The following MEX3C variants were observed in gnomAD, a reference collection of about 807,000 sequenced individuals.
The protein encoded by MEX3C is mex-3 RNA binding family member C.
In MEX3C, 15 loss-of-function variants were observed where a neutral mutation model predicts 35.5. The observed-to-expected ratio is 0.42, with a 90% CI of 0.28 to 0.65. The LOEUF is 0.65. MEX3C is among the 30% of genes least tolerant of loss of function. The pLI, the probability that MEX3C is intolerant of heterozygous loss-of-function variation, is 0.20. For synonymous variants in MEX3C, 390 were observed against 352.8 expected, an observed-to-expected ratio of 1.11 and a Z score of -1.18; for missense variants, 711 against 842.8, an observed-to-expected ratio of 0.84 and a Z score of 1.94.
At chr18:51,181,694 T>G (rs749776809) in intron 1 of MEX3C, among the ~76,000 whole-genome samples, 3 of 152,256 alleles carry the variant, frequency 2.0e-5, no homozygotes, top group Non-Finnish European at 2.9e-5. Flanking sequence ...TTGTTTGAAT[T>G]AGCATGAGGC....
intron 1 of MEX3C, among the ~76,000 whole-genome samples, chr18:51,178,353 G>A (rs8086510): frequency 1 from 151,833 of 152,074 alleles, 75,797 homozygotes; most frequent in Non-Finnish European, 1. Context: ...ATAACTTTAC[G>A]TAATTCTCCA....
rs1019541173 is a variant in MEX3C at position 51,197,249 on chromosome 18, C to CGGCGGG, written c.66_71dup (p.Pro30_Pro31dup). 1.0e-6 allele frequency: 1 copy of CGGCGGG among 962,618 alleles called. No homozygotes were observed. The highest frequency in any genetic ancestry group is 1.2e-6 in the Non-Finnish European group (1 of 811,218). 59.6% of individuals were successfully genotyped at this position (962,618 alleles called of 1,614,324 possible). A position where few individuals can be genotyped will look rare whatever the true frequency, so the allele number is the denominator to read the frequency against. On this transcript the variant is annotated inframe_insertion, in exon 1 of 2. Coordinates refer to ENST00000406189, the MANE Select transcript of MEX3C (RefSeq NM_016626.5). ...GCAGAGGCGGCGGTGGCGGCGGCGG[C>CGGCGGG]GGCGGGGGCGGCTGCGGCAGGGGGG... is the stretch of plus-strand genomic sequence containing the variant.
Position 51,177,542 on chromosome 18 carries a change from G to A in MEX3C, c.789C>T (p.Asn263=). The A allele has an allele frequency of 2.5e-6, 4 of 1,610,380 alleles. No homozygotes were observed. The highest frequency in any genetic ancestry group is 2.2e-5 in the South Asian group (2 of 90,386). The change falls in exon 2 of 2, where the codon AAC becomes AAT. Residue 263 remains asparagine, a synonymous_variant. Coordinates refer to ENST00000406189, the MANE Select transcript of MEX3C (RefSeq NM_016626.5). The surrounding 1 kb of genome is among the most constrained non-coding windows in gnomAD (Gnocchi z 4.2). ...CACGAACAGGAGTCTTGATATACGTGTTTGTCTTGGCTCTCAGTGCTTTAA... is the reference window on the plus strand; with the variant it reads ...CACGAACAGGAGTCTTGATATACGTATTTGTCTTGGCTCTCAGTGCTTTAA... ...CKIKALRAKT[N]TYIKTPVRGE...
intron 1 of MEX3C, among the ~76,000 whole-genome samples, chr18:51,186,617 CAG>C (rs1912544667): frequency 6.6e-6 from 1 of 152,134 alleles, no homozygotes; most frequent in Admixed American, 6.5e-5. Context: ...GTAACATAAA[CAG>C]ATATGCATGT....
chr18:51,185,336 A>T (rs1437693956), intron 1 of MEX3C, among the ~76,000 whole-genome samples: 1 of 152,118 alleles, frequency 6.6e-6, no homozygotes, highest in East Asian at 1.9e-4. Context: ...ATGGAGGCTG[A>T]GTCCTTCTCA....
At chr18:51,186,429 G>A (rs1053468774) in intron 1 of MEX3C, among the ~76,000 whole-genome samples, 2 of 152,194 alleles carry the variant, frequency 1.3e-5, no homozygotes, top group African/African-American at 4.8e-5. Context: ...AAGTGCAAAA[G>A]CAAGGAATCA....
In MEX3C at chr18:51,177,188, G is replaced by T; in HGVS notation, c.1143C>A (p.Asp381Glu). ...GCATTTCTATTTCTTCCCGTGCTCG[G>T]TCAACATTTTCAGGCATCCCTGTCA... is the stretch of plus-strand genomic sequence containing the variant. ...FEVTGMPENVDRAREEIEMHI... is the reference protein window; with the variant it reads ...FEVTGMPENVERAREEIEMHI... The change falls in exon 2 of 2, where the codon GAC becomes GAA. Residue 381 changes from aspartate to glutamate, a missense_variant. Physicochemically the swap from Asp to Glu is conservative, Grantham distance 45. This residue lies in a region of MEX3C where 187 missense variants were observed against 201.7 expected (regional missense o/e 0.93). Coordinates refer to ENST00000406189, the MANE Select transcript of MEX3C (RefSeq NM_016626.5). The surrounding 1 kb of genome is among the most constrained non-coding windows in gnomAD (Gnocchi z 4.2). 6.2e-7 allele frequency: 1 copy of T among 1,613,676 alleles called. No individual in the cohort carries two copies. Among genetic ancestry groups the T allele is most frequent in the Non-Finnish European group, 8.5e-7 (1 of 1,179,882 alleles).
In MEX3C at chr18:51,176,215, TAAC is replaced by T. The variant is rs1912298008; in HGVS notation, c.*133_*135del. On this transcript the variant is annotated 3_prime_UTR_variant, in exon 2 of 2. Transcript: ENST00000406189. ...CCATAGCAGCCTTTTATAAGTTTAC[TAAC>T]AACTTTAGCCTAATCCCAATAAAGC... The T allele has an allele frequency of 4.6e-6, 4 of 877,460 alleles. No individual in the cohort carries two copies. Among genetic ancestry groups the T allele is most frequent in the Admixed American group, 3.1e-5 (1 of 32,024 alleles). The allele number at this position is 877,460 out of a possible 1,614,324, so 54.4% of individuals were successfully genotyped here. A position where few individuals can be genotyped will look rare whatever the true frequency, so the allele number is the denominator to read the frequency against.
At chr18:51,186,140 C>T (rs1362085018) in intron 1 of MEX3C, among the ~76,000 whole-genome samples, 1 of 152,104 alleles carries the variant, frequency 6.6e-6, no homozygotes, top group East Asian at 1.9e-4. Flanking sequence ...CCTGAACTTA[C>T]CCATTCACAT....
chr18:51,197,463 C>G lies in MEX3C; in HGVS notation c.-143G>C, dbSNP rs1410334110. The G allele has an allele frequency of 1.4e-3, 209 of 147,706 alleles. 2 individuals carry two copies. The highest frequency in any genetic ancestry group is 0.013 in the Admixed American group (185 of 14,556). 9.1% of individuals were successfully genotyped at this position (147,706 alleles called of 1,614,324 possible). A position where few individuals can be genotyped will look rare whatever the true frequency, so the allele number is the denominator to read the frequency against. On this transcript the variant is annotated 5_prime_UTR_variant, in exon 1 of 2. Coordinates refer to ENST00000406189, the MANE Select transcript of MEX3C (RefSeq NM_016626.5). ...AGGCGGCGGGGCTGGGGACCCGGGC[C>G]GAGGAGCGCCAGGGCCGCCCGGAGA...
intron 1 of MEX3C, chr18:51,195,252 G>C (rs556867832): frequency 6.6e-6 from 1 of 152,268 alleles, no homozygotes; most frequent in South Asian, 2.1e-4. Flanking sequence ...AACAATCCAG[G>C]AATCTGAAAC....
intron 1 of MEX3C, among the ~76,000 whole-genome samples, chr18:51,189,406 G>C (rs1310967542): frequency 1.3e-5 from 2 of 152,116 alleles, no homozygotes; most frequent in African/African-American, 4.8e-5. Flanking sequence ...ATAAACTAGT[G>C]ACCCCTAAAC....
Position 51,176,954 on chromosome 18 carries a change from A to G in MEX3C, c.1377T>C (p.Phe459=). 1 of 1,614,048 alleles carries G rather than the reference A, an allele frequency of 6.2e-7. No individual in the cohort carries two copies. The highest frequency in any genetic ancestry group is 1.3e-5 in the African/African-American group (1 of 75,066). Reference sequence around the variant, plus strand: ...TAAAGTCAGCCAGCCTATTGCTTCCAAAGTAGGAATCTGTAGAGCCACTTC... The same window carrying G: ...TAAAGTCAGCCAGCCTATTGCTTCCGAAGTAGGAATCTGTAGAGCCACTTC... ...SLGSGSTDSY[F]GSNRLADFSP... Residue 459 remains phenylalanine, a synonymous_variant, in exon 2 of 2, where the codon TTT becomes TTC. Transcript: ENST00000406189.
At chr18:51,188,504 C>T (rs1245813548) in intron 1 of MEX3C, among the ~76,000 whole-genome samples, 2 of 151,656 alleles carry the variant, frequency 1.3e-5, no homozygotes, top group East Asian at 3.9e-4. Context: ...GTCCCAGCTA[C>T]TGGGGATCAC....
intron 1 of MEX3C, chr18:51,195,671 T>C (rs892936899): frequency 3.9e-5 from 6 of 152,238 alleles, no homozygotes; most frequent in African/African-American, 1.4e-4. Flanking sequence ...ATAAAGAACT[T>C]AGGACCTTCC....
intron 1 of MEX3C, among the ~76,000 whole-genome samples, chr18:51,187,330 A>AG (rs1250133872): frequency 5.9e-5 from 9 of 152,246 alleles, no homozygotes; most frequent in Non-Finnish European, 1.3e-4. Context: ...TCATTATTAT[A>AG]GCTATCATGT....
At position 51,197,476 on chromosome 18, in the gene MEX3C, G is replaced by C. The variant is rs1019591781; in HGVS notation, c.-156C>G. Among the ~76,000 whole-genome samples the C allele has an allele frequency of 1.3e-5, 2 of 150,384 alleles. No homozygotes were observed. Among genetic ancestry groups the C allele is most frequent in the African/African-American group, 2.4e-5 (1 of 41,022 alleles). ...GGGGACCCGGGCCGAGGAGCGCCAG[G>C]GCCGCCCGGAGACCGGAGAGGGCGG... On this transcript the variant is annotated 5_prime_UTR_variant, in exon 1 of 2. Coordinates refer to ENST00000406189, the MANE Select transcript of MEX3C (RefSeq NM_016626.5).
Position 51,197,109 on chromosome 18 carries a change from C to A in MEX3C, c.212G>T (p.Arg71Leu). Residue 71 changes from arginine to leucine, a missense_variant, in exon 1 of 2, where the codon CGG becomes CTG. By Grantham distance (102) the Arg-to-Leu change is moderately radical. Transcript: ENST00000406189. ...GCCCTGCGCCGCCGCTGCCGGGGCC[C>A]GAAGCGCCGGGGCGCCGGGCTCCGC... ...SPAEPGAPAL[R>L]APAAAAQGQA... The A allele has an allele frequency of 8.7e-7, 1 of 1,155,196 alleles. No homozygotes were observed. 71.6% of individuals were successfully genotyped at this position (1,155,196 alleles called of 1,614,324 possible).
intron 1 of MEX3C, among the ~76,000 whole-genome samples, chr18:51,192,203 A>C (rs539938243): frequency 3.3e-5 from 5 of 152,218 alleles, no homozygotes; most frequent in Admixed American, 3.3e-4. Context: ...AGGGGTACAA[A>C]ATACACCCTT....
Sources: allele counts gnomAD v4.1 joint callset (sites outside exome capture counted in the v4.1 genomes callset), GRCh38; gene constraint gnomAD v4.1.1; regional missense constraint gnomAD v4.1.1; non-coding constraint Gnocchi (gnomAD v3.1); transcripts MANE v1.5; gene names NCBI Gene and HGNC (gene_info 2026-07-23, HGNC 2026-07-21).